The following DEFB132 variants were observed in gnomAD, a reference collection of about 807,000 sequenced individuals.
DEFB132 encodes the protein defensin beta 132, also known as beta-defensin 132.
Under a neutral mutation model 2.5 loss-of-function variants are expected in DEFB132, and 5 were observed. The observed-to-expected ratio is 2.00, with a 90% confidence interval of 1.04 to 4.20. The LOEUF is 4.20. Ranked by LOEUF, DEFB132 falls within the 30% of genes most tolerant of loss-of-function variation. The pLI is 0.00. For missense variants in DEFB132, 112 were observed against 110.0 expected (o/e 1.02, Z -0.08); for synonymous variants, 53 against 46.2 (o/e 1.15, Z -0.60).
In DEFB132 at chr20:260,072, T is replaced by C. The variant is rs1335704792; in HGVS notation, c.*766T>C. 4 of 152,200 alleles carry C rather than the reference T, an allele frequency of 2.6e-5. No homozygotes were observed. Among genetic ancestry groups the C allele is most frequent in the African/African-American group, 9.7e-5 (4 of 41,426 alleles). 9.4% of individuals were successfully genotyped at this position (152,200 alleles called of 1,614,324 possible). A position where few individuals can be genotyped will look rare whatever the true frequency, so the allele number is the denominator to read the frequency against. On this transcript the variant is annotated 3_prime_UTR_variant, in exon 2 of 2. Coordinates refer to ENST00000382376, the MANE Select transcript of DEFB132 (RefSeq NM_207469.3). ...ACTTGTGAGGTATTTATTTATTCATTTGAGTAACAAAGCAGACAGAATACA... is the reference window on the plus strand; with the variant it reads ...ACTTGTGAGGTATTTATTTATTCATCTGAGTAACAAAGCAGACAGAATACA...
rs143702099 is a variant in DEFB132, at chr20:259,294, C to T, written c.276C>T (p.Thr92=). 352 of 1,613,976 alleles carry T rather than the reference C, an allele frequency of 2.2e-4. 1 individual carries two copies. In the African/African-American group the frequency reaches 3.4e-3, roughly 15 times the overall value. Residue 92 remains threonine, a synonymous_variant, in exon 2 of 2, where the codon ACC becomes ACT. Transcript: ENST00000382376. ...TQRKDKKQQT[T]VTS ...GGAAAGACAAGAAGCAACAAACGAC[C>T]GTAACATCATAATAACCACTGCTAT...
chr20:259,509 A>C lies in DEFB132; in HGVS notation c.*203A>C, dbSNP rs1030080663. The C allele has an allele frequency of 1.7e-6, 1 of 603,738 alleles. No homozygotes were observed. Among genetic ancestry groups the C allele is most frequent in the African/African-American group, 1.9e-5 (1 of 53,920 alleles). The allele number at this position is 603,738 out of a possible 1,614,324, so 37.4% of individuals were successfully genotyped here. On this transcript the variant is annotated 3_prime_UTR_variant, in exon 2 of 2. Transcript: ENST00000382376. ...TATCTATCTTACGAGAACAATCATC[A>C]TGCAGATTCGTCCACAGGGGATCTG... is the stretch of plus-strand genomic sequence containing the variant.
intron 1 of DEFB132, 56 bp downstream of exon 1, chr20:257,892 C>T: frequency 6.4e-7 from 1 of 1,554,506 alleles, no homozygotes; most frequent in East Asian, 2.3e-5. Context: ...ACTAGCATAT[C>T]TGGTTGCTCT....
rs778124927 is a variant in DEFB132, at chr20:259,281, A to G, written c.263A>G (p.Lys88Arg). 1.9e-6 allele frequency: 3 copies of G among 1,613,046 alleles called. No homozygotes were observed. Among genetic ancestry groups the G allele is most frequent in the Admixed American group, 3.3e-5 (2 of 60,014 alleles). ...RRRNTQRKDK[K>R]QQTTVTS is the part of the protein sequence containing the mutation. ...AGAAACACACAAAGGAAAGACAAGA[A>G]GCAACAAACGACCGTAACATCATAA... is the stretch of plus-strand genomic sequence containing the variant. Residue 88 changes from lysine (K) to arginine (R), a missense_variant, in exon 2 of 2, where the codon AAG becomes AGG. Transcript: ENST00000382376.
intron 1 of DEFB132, among the ~76,000 whole-genome samples, chr20:258,641 G>A (rs1468967987): frequency 1.3e-5 from 2 of 152,038 alleles, no homozygotes; most frequent in Admixed American, 6.6e-5. Flanking sequence ...TTTGCCCCAG[G>A]TTGACTCATA....
rs748567152 is a variant in DEFB132 at position 257,845 on chromosome 20, GA to G, written c.58+10del. 3 of 1,604,618 alleles carry G rather than the reference GA, an allele frequency of 1.9e-6. No homozygotes were observed. Among genetic ancestry groups the G allele is most frequent in the Admixed American group, 3.3e-5 (2 of 59,894 alleles). On this transcript the variant is annotated intron_variant, in intron 1 of 1. Coordinates refer to ENST00000382376, the MANE Select transcript of DEFB132 (RefSeq NM_207469.3). ...GACCCAGGTGATCCCAGGTAAACTG[GA>G]TAAATAGGAGGAAAGGAAAACTGGG... is the stretch of plus-strand genomic sequence containing the variant.
intron 1 of DEFB132, among the ~76,000 whole-genome samples, chr20:258,481 G>A (rs1210117742): frequency 6.6e-6 from 1 of 152,232 alleles, no homozygotes; most frequent in Admixed American, 6.5e-5. Flanking sequence ...CCCCTGCTGT[G>A]AGCCAATGGC....
rs2122199776 is a variant in DEFB132 at position 259,467 on chromosome 20, A to G, written c.*161A>G. The G allele has an allele frequency of 4.2e-6, 3 of 717,206 alleles. No individual in the cohort carries two copies. The highest frequency in any genetic ancestry group is 2.4e-4 in the Middle Eastern group (1 of 4,098). The allele number at this position is 717,206 out of a possible 1,614,324, so 44.4% of individuals were successfully genotyped here. ...TCTATCATTCTGTCATTCATCTAGTAACTAATTTGGAGTTTGTATCTATCT... is the reference window on the plus strand; with the variant it reads ...TCTATCATTCTGTCATTCATCTAGTGACTAATTTGGAGTTTGTATCTATCT... On this transcript the variant is annotated 3_prime_UTR_variant, in exon 2 of 2. Coordinates refer to ENST00000382376, the MANE Select transcript of DEFB132 (RefSeq NM_207469.3).
In DEFB132 at chr20:260,282, A is replaced by G. The variant is rs1450417762; in HGVS notation, c.*976A>G. ...ACTTCTGGGAATTGGCTCATCATAA[A>G]TTATCCAAGAGAAGCACAAAGTTAT... On this transcript the variant is annotated 3_prime_UTR_variant, in exon 2 of 2. Transcript: ENST00000382376. 1 of 152,208 alleles carries G rather than the reference A, an allele frequency of 6.6e-6. No individual in the cohort carries two copies. Among genetic ancestry groups the G allele is most frequent in the Non-Finnish European group, 1.5e-5 (1 of 68,040 alleles). 9.4% of individuals were successfully genotyped at this position (152,208 alleles called of 1,614,324 possible).
Position 259,519 on chromosome 20 carries a change from G to A in DEFB132, c.*213G>A, listed in dbSNP as rs1181211505. 1.7e-5 allele frequency: 10 copies of A among 576,996 alleles called. No homozygotes were observed. The highest frequency in any genetic ancestry group is 8.2e-5 in the South Asian group (4 of 48,818). 35.7% of individuals were successfully genotyped at this position (576,996 alleles called of 1,614,324 possible). ...ACGAGAACAATCATCATGCAGATTCGTCCACAGGGGATCTGTCAGTTTGGG... is the reference window on the plus strand; with the variant it reads ...ACGAGAACAATCATCATGCAGATTCATCCACAGGGGATCTGTCAGTTTGGG... On this transcript the variant is annotated 3_prime_UTR_variant, in exon 2 of 2. Coordinates refer to ENST00000382376, the MANE Select transcript of DEFB132 (RefSeq NM_207469.3).
rs1465374973 is a variant in DEFB132 at position 259,204 on chromosome 20, G to T, written c.186G>T (p.Leu62=). Residue 62 remains leucine, a synonymous_variant, in exon 2 of 2, where the codon CTG becomes CTT. Coordinates refer to ENST00000382376, the MANE Select transcript of DEFB132 (RefSeq NM_207469.3). ...AATGCTGCATCAGCTACTCCTTCCT[G>T]CCGAAGCCTGACCTACCACAGCTCA... The part of the protein sequence containing the change: ...SRKCCISYSF[L]PKPDLPQLIG... 1 of 1,614,146 alleles carries T rather than the reference G, an allele frequency of 6.2e-7. No individual in the cohort carries two copies.
intron 1 of DEFB132, 84 bp downstream of exon 1, chr20:257,920 G>T (rs2011600062): frequency 2.1e-6 from 3 of 1,434,726 alleles, no homozygotes; most frequent in Non-Finnish European, 2.9e-6. Context: ...GATGAGCCAG[G>T]TTGGGTGGAG....
rs1459190144 is a variant in DEFB132, at chr20:260,139, G to C, written c.*833G>C. On this transcript the variant is annotated 3_prime_UTR_variant, in exon 2 of 2. Transcript: ENST00000382376. ...TACACCCCAAAAGCAAGGATGGCATGATGCTGGTGACTCAAACGTGCCTAC... is the reference window on the plus strand; with the variant it reads ...TACACCCCAAAAGCAAGGATGGCATCATGCTGGTGACTCAAACGTGCCTAC... 2 of 152,224 alleles carry C rather than the reference G, an allele frequency of 1.3e-5. No individual in the cohort carries two copies. The highest frequency in any genetic ancestry group is 2.9e-5 in the Non-Finnish European group (2 of 68,040). The allele number at this position is 152,224 out of a possible 1,614,324, so 9.4% of individuals were successfully genotyped here.
chr20:257,774 C>T lies in DEFB132; in HGVS notation c.-5C>T, dbSNP rs754610832. On this transcript the variant is annotated 5_prime_UTR_variant, in exon 1 of 2. Coordinates refer to ENST00000382376, the MANE Select transcript of DEFB132 (RefSeq NM_207469.3). ...CCACCAGCTCCCCAAGCCACCCCTT[C>T]AGCCATGAAGTTCCTGCTCCTGGTC... 3 of 1,580,122 alleles carry T rather than the reference C, an allele frequency of 1.9e-6. No homozygotes were observed. The highest frequency in any genetic ancestry group is 1.5e-5 in the African/African-American group (1 of 65,594).
intron 1 of DEFB132, 105 bp downstream of exon 1, chr20:257,941 C>A (rs1226163380): frequency 8.7e-7 from 1 of 1,144,610 alleles, no homozygotes; most frequent in Non-Finnish European, 1.3e-6. Context: ...GCAGGGCTCA[C>A]CCCACTGAGT....
In DEFB132 at chr20:259,529, G is replaced by A. The variant is rs73570488; in HGVS notation, c.*223G>A. ...TCATCATGCAGATTCGTCCACAGGG[G>A]ATCTGTCAGTTTGGGTCCTCCAAAT... On this transcript the variant is annotated 3_prime_UTR_variant, in exon 2 of 2. Coordinates refer to ENST00000382376, the MANE Select transcript of DEFB132 (RefSeq NM_207469.3). 8.9e-6 allele frequency: 5 copies of A among 559,492 alleles called. No individual in the cohort carries two copies. Among genetic ancestry groups the A allele is most frequent in the Non-Finnish European group, 1.6e-5 (5 of 314,954 alleles). The allele number at this position is 559,492 out of a possible 1,614,324, so 34.7% of individuals were successfully genotyped here. A position where few individuals can be genotyped will look rare whatever the true frequency, so the allele number is the denominator to read the frequency against.
At chr20:258,988 A>G in intron 1 of DEFB132, 89 bp from the exon 2 acceptor site, 1 of 1,343,632 alleles carries the variant, frequency 7.4e-7, no homozygotes, top group Non-Finnish European at 1.0e-6. Flanking sequence ...TCAGAACAAA[A>G]AGCCAAACAC....
chr20:258,991 C>A, intron 1 of DEFB132, 86 bp from the exon 2 acceptor site: 1 of 1,364,892 alleles, frequency 7.3e-7, no homozygotes, highest in Non-Finnish European at 1.0e-6. Flanking sequence ...GAACAAAAAG[C>A]CAAACACTCC....
Position 259,470 on chromosome 20 carries a change from T to C in DEFB132, c.*164T>C. The stretch of plus-strand genomic sequence containing the variant: ...ATCATTCTGTCATTCATCTAGTAAC[T>C]AATTTGGAGTTTGTATCTATCTTAC... On this transcript the variant is annotated 3_prime_UTR_variant, in exon 2 of 2. Coordinates refer to ENST00000382376, the MANE Select transcript of DEFB132 (RefSeq NM_207469.3). 11 of 701,976 alleles carry C rather than the reference T, an allele frequency of 1.6e-5. No homozygotes were observed. In the South Asian group the frequency reaches 2.1e-4, roughly 13 times the overall value. 43.5% of individuals were successfully genotyped at this position (701,976 alleles called of 1,614,324 possible). A position where few individuals can be genotyped will look rare whatever the true frequency, so the allele number is the denominator to read the frequency against.
Sources: allele counts gnomAD v4.1 joint callset (sites outside exome capture counted in the v4.1 genomes callset), GRCh38; gene constraint gnomAD v4.1.1; transcripts MANE v1.5; gene names NCBI Gene and HGNC (gene_info 2026-07-23, HGNC 2026-07-21).